Variants in DGKI observed in about 807,000 individuals in gnomAD.
DGKI encodes the protein diacylglycerol kinase iota, also known as DAG kinase iota.
A neutral mutation model predicts 147.5 loss-of-function variants in DGKI; 55 were observed. That is an observed-to-expected ratio of 0.37 (90% CI 0.30 to 0.47). DGKI has a LOEUF of 0.47. Among genes scored for constraint, DGKI ranks in the 20% least tolerant of loss-of-function variants. The pLI is 1.00. For missense variants in DGKI, 1,007 were observed against 1,323.8 expected (o/e 0.76, Z 3.71); for synonymous variants, 469 against 477.1 (o/e 0.98, Z 0.22).
intron 1 of DGKI, among the ~76,000 whole-genome samples, chr7:137,842,062 T>C (rs1410174113): frequency 6.6e-6 from 1 of 152,240 alleles, no homozygotes; most frequent in Non-Finnish European, 1.5e-5. Flanking sequence ...TGTAAGTCAT[T>C]ACTGAGAAAG....
At chr7:137,687,188 C>G (rs995500452) in intron 2 of DGKI, among the ~76,000 whole-genome samples, 3 of 152,160 alleles carry the variant, frequency 2.0e-5, no homozygotes, top group Non-Finnish European at 4.4e-5. Context: ...TGGTCAAGAC[C>G]TTCAGAAGCA....
intron 8 of DGKI, among the ~76,000 whole-genome samples, chr7:137,611,118 C>T (rs971758708): frequency 1.1e-4 from 17 of 152,104 alleles, no homozygotes; most frequent in East Asian, 3.9e-4. Flanking sequence ...AGGAATATTT[C>T]GCATTATGAA....
At chr7:137,618,151 A>ATATATATATATATATATATTTTTTTT in intron 8 of DGKI, among the ~76,000 whole-genome samples, 4 of 10,462 alleles carry the variant, frequency 3.8e-4, no homozygotes, top group Non-Finnish European at 1.2e-3. Flanking sequence ...ATATATATAT[A>ATATATATATATATATATATTTTTTTT]TTTTTTTTTT....
At chr7:137,786,539 C>T (rs1376201274) in intron 1 of DGKI, among the ~76,000 whole-genome samples, 1 of 151,952 alleles carries the variant, frequency 6.6e-6, no homozygotes, top group African/African-American at 2.4e-5. Flanking sequence ...AATGACCACA[C>T]TGCCAAAAAA....
intron 28 of DGKI, among the ~76,000 whole-genome samples, chr7:137,432,399 T>TA (rs371379923): frequency 9.2e-5 from 14 of 152,328 alleles, no homozygotes; most frequent in African/African-American, 2.9e-4. Flanking sequence ...GGTCTATTTA[T>TA]AAAAAAATCT....
Position 137,714,286 on chromosome 7 carries a change from TA to T in DGKI, c.402-24285del, listed in dbSNP as rs928599493. On this transcript the variant is annotated intron_variant, in intron 1 of 32. Coordinates refer to ENST00000614521, the MANE Select transcript of DGKI (RefSeq NM_001321708.2). ...CATTATTTTCTTTTCCTTTCAAGGT[TA>T]AAAAAAATGTTTAAAAACATCTAAC... Among the ~76,000 whole-genome samples the T allele has an allele frequency of 9.9e-5, 15 of 152,128 alleles. No individual in the cohort carries two copies. The South Asian group carries it at 1.0e-3, about 11-fold the overall frequency.
At chr7:137,420,659 A>C (rs1812530394) in intron 28 of DGKI, among the ~76,000 whole-genome samples, 1 of 152,060 alleles carries the variant, frequency 6.6e-6, no homozygotes. Context: ...AAGACCAGGC[A>C]ATGGGTGCTT....
At chr7:137,688,994 T>C (rs1823517500) in intron 2 of DGKI, among the ~76,000 whole-genome samples, 1 of 152,274 alleles carries the variant, frequency 6.6e-6, no homozygotes, top group South Asian at 2.1e-4. Context: ...AATAAGGATA[T>C]TAATAAGTGT....
chr7:137,773,888 T>C (rs946793914), intron 1 of DGKI, among the ~76,000 whole-genome samples: 4 of 152,136 alleles, frequency 2.6e-5, no homozygotes, highest in Non-Finnish European at 1.5e-5. Flanking sequence ...GCCACAGAAG[T>C]AGTAAAGTGA....
intron 10 of DGKI, among the ~76,000 whole-genome samples, chr7:137,602,545 T>C (rs1281091656): frequency 6.6e-6 from 1 of 152,140 alleles, no homozygotes; most frequent in Non-Finnish European, 1.5e-5. Flanking sequence ...TTACCAAAAA[T>C]GTAAGTATCT....
chr7:137,509,593 C>T (rs745921557), intron 21 of DGKI, among the ~76,000 whole-genome samples: 7 of 152,078 alleles, frequency 4.6e-5, no homozygotes, highest in African/African-American at 1.4e-4. Context: ...GCAAAGAAGG[C>T]GGCAGCAGAG....
rs554331012 is a variant in DGKI at position 137,830,590 on chromosome 7, C to T, written c.401+15872G>A. Among the ~76,000 whole-genome samples the T allele has an allele frequency of 2.0e-5, 3 of 152,234 alleles. No homozygotes were observed. The South Asian group carries it at 6.2e-4, about 32-fold the overall frequency. ...CAGTATGCTGTCAAATTAGAAAGAG[C>T]CAGAAAAGTGAAGTTGATTGAAAAC... On this transcript the variant is annotated intron_variant, in intron 1 of 32. Transcript: ENST00000614521.
chr7:137,699,305 G>C (rs1823898152), intron 1 of DGKI, among the ~76,000 whole-genome samples: 1 of 152,212 alleles, frequency 6.6e-6, no homozygotes, highest in Admixed American at 6.5e-5. Flanking sequence ...AGGATTGAGA[G>C]GGGGCATAAA....
chr7:137,689,385 T>C (rs1361618660), intron 2 of DGKI, among the ~76,000 whole-genome samples: 1 of 152,242 alleles, frequency 6.6e-6, no homozygotes, highest in African/African-American at 2.4e-5. Flanking sequence ...GAGTGTGTTA[T>C]GGTTAAAATG....
intron 32 of DGKI, among the ~76,000 whole-genome samples, chr7:137,395,133 C>A (rs890186509): frequency 2.0e-5 from 3 of 152,198 alleles, no homozygotes; most frequent in African/African-American, 7.2e-5. Context: ...CCAGATCCTA[C>A]CATCCTGGGA....
rs1475334968 is a variant in DGKI, at chr7:137,617,123, C to CTA, written c.993+2700_993+2701insTA. Among the ~76,000 whole-genome samples, 28 of 58,444 alleles carry CTA rather than the reference C, an allele frequency of 4.8e-4. 1 individual carries two copies. Among genetic ancestry groups the CTA allele is most frequent in the South Asian group, 1.1e-3 (2 of 1,796 alleles). 38.3% of individuals were successfully genotyped at this position (58,444 alleles called of 152,430 possible). On this transcript the variant is annotated intron_variant, in intron 8 of 32. Transcript: ENST00000614521. ...ATGTACTGCCAGTGTATCCCTTTTA[C>CTA]CAAAAAAAAAAAAAAAAAAAAAAAA...
intron 15 of DGKI, among the ~76,000 whole-genome samples, chr7:137,579,875 A>G (rs1389780313): frequency 6.6e-6 from 1 of 152,158 alleles, no homozygotes; most frequent in African/African-American, 2.4e-5. Flanking sequence ...ACACTCAACA[A>G]TTTGCATATT....
At chr7:137,759,342 T>G (rs1795785444) in intron 1 of DGKI, among the ~76,000 whole-genome samples, 1 of 152,066 alleles carries the variant, frequency 6.6e-6, no homozygotes, top group Non-Finnish European at 1.5e-5. Context: ...TTCTTTTTTT[T>G]TTTTCTTTAT....
chr7:137,605,728 G>A (rs76924172), intron 10 of DGKI, among the ~76,000 whole-genome samples: 3,782 of 152,282 alleles, frequency 0.025, 127 homozygotes, highest in African/African-American at 0.084. Context: ...AAATTGACAT[G>A]TTCTCACTCA....
Sources: gnomAD v4.1 joint callset for allele counts (sites outside exome capture counted in the v4.1 genomes callset) on GRCh38, gnomAD v4.1.1 for gene constraint, MANE v1.5 for transcripts, NCBI Gene and HGNC (gene_info 2026-07-23, HGNC 2026-07-21) for gene names.